Variants in TARM1 observed in about 807,000 individuals in gnomAD.
TARM1 encodes T cell-interacting, activating receptor on myeloid cells 1, also known as T-cell-interacting, activating receptor on myeloid cells protein 1.
TARM1 carries 24 observed loss-of-function variants against 30.4 expected under a neutral mutation model. That is an observed-to-expected ratio of 0.79 (90% CI 0.57 to 1.11). TARM1 has a LOEUF of 1.11. TARM1 is among the 50% of genes least tolerant of loss of function. The pLI, the probability that TARM1 is intolerant of heterozygous loss-of-function variation, is 0.00. For synonymous variants in TARM1, 129 were observed against 138.9 expected, an observed-to-expected ratio of 0.93 and a Z score of 0.50; for missense variants, 323 against 332.8, an observed-to-expected ratio of 0.97 and a Z score of 0.23.
intron 1 of TARM1, among the ~76,000 whole-genome samples, chr19:54,080,886 C>T (rs1047461954): frequency 2.0e-5 from 3 of 151,692 alleles, no homozygotes; most frequent in South Asian, 2.1e-4. Context: ...GCAGGAGAAT[C>T]GCTTGAACCC....
intron 1 of TARM1, chr19:54,076,197 G>C (rs1374364962): frequency 6.6e-7 from 1 of 1,508,220 alleles, no homozygotes; most frequent in South Asian, 1.3e-5. Context: ...TCTTCTGTTT[G>C]AAAACAGCAC....
intron 1 of TARM1, 86 bp downstream of exon 1, chr19:54,081,221 G>A: frequency 7.4e-7 from 1 of 1,344,554 alleles, no homozygotes; most frequent in Non-Finnish European, 1.0e-6. Context: ...AGCCAAAGTT[G>A]ATGTTATTAT....
In TARM1 at chr19:54,077,385, G is replaced by GA. The variant is rs1183822763; in HGVS notation, c.35-1468dup. ...CAGCGCGAGACTCAGTTTCAGGAAA[G>GA]AAAAAAAAAAGAGAAAGAAAAGAAA... On this transcript the variant is annotated intron_variant, in intron 1 of 4. Coordinates refer to ENST00000432826, the MANE Select transcript of TARM1 (RefSeq NM_001135686.3). Among the ~76,000 whole-genome samples the GA allele has an allele frequency of 4.4e-3, 633 of 143,768 alleles. 5 individuals carry two copies. Among genetic ancestry groups the GA allele is most frequent in the African/African-American group, 0.015 (600 of 39,212 alleles). The allele number at this position is 143,768 out of a possible 152,430, so 94.3% of individuals were successfully genotyped here.
Position 54,069,970 on chromosome 19 carries a change from C to T in TARM1, c.*33G>A. 6.6e-7 allele frequency: 1 copy of T among 1,520,734 alleles called. No homozygotes were observed. The highest frequency in any genetic ancestry group is 8.9e-7 in the Non-Finnish European group (1 of 1,121,432). 94.2% of individuals were successfully genotyped at this position (1,520,734 alleles called of 1,614,324 possible). A position where few individuals can be genotyped will look rare whatever the true frequency, so the allele number is the denominator to read the frequency against. ...GGGAATGCAGTCCAGCAGGTTGCAG[C>T]CTCAGTTTACCCAGCCCCGGTTCAA... On this transcript the variant is annotated 3_prime_UTR_variant, in exon 5 of 5. Coordinates refer to ENST00000432826, the MANE Select transcript of TARM1 (RefSeq NM_001135686.3).
chr19:54,070,421 C>T (rs1489822187), intron 4 of TARM1, among the ~76,000 whole-genome samples: 6 of 151,744 alleles, frequency 4.0e-5, no homozygotes, highest in East Asian at 1.9e-4. Context: ...CCACCATGCC[C>T]GGCTAATTTT....
At chr19:54,076,153 C>G in intron 1 of TARM1, 1 of 1,490,346 alleles carries the variant, frequency 6.7e-7, no homozygotes, top group Non-Finnish European at 8.9e-7. Flanking sequence ...CCTCCCCCTG[C>G]TCCAGGCCTT....
intron 2 of TARM1, among the ~76,000 whole-genome samples, chr19:54,075,511 C>A (rs587634469): frequency 1.3e-5 from 2 of 149,250 alleles, no homozygotes; most frequent in South Asian, 2.3e-4. Context: ...AGAAGGGAAG[C>A]GGGCTGGGTG....
intron 1 of TARM1, among the ~76,000 whole-genome samples, chr19:54,078,717 A>G (rs1239906182): frequency 1.3e-5 from 2 of 151,880 alleles, no homozygotes. Context: ...TGCCCAGGCT[A>G]GTCTCGAACT....
chr19:54,080,090 A>G (rs2072063762), intron 1 of TARM1, among the ~76,000 whole-genome samples: 1 of 66,616 alleles, frequency 1.5e-5, no homozygotes, highest in East Asian at 5.4e-4. Context: ...AGAAAGAGAA[A>G]GAAAGGAAGG....
intron 1 of TARM1, among the ~76,000 whole-genome samples, chr19:54,077,670 C>A (rs587644362): frequency 1.3e-5 from 2 of 151,660 alleles, no homozygotes; most frequent in South Asian, 4.2e-4. Flanking sequence ...ACGTAAGTGT[C>A]CATCCATGGA....
In TARM1 at chr19:54,080,151, G is replaced by GAA. The variant is rs1568512246; in HGVS notation, c.34+1155_34+1156insTT. ...AGGAAGGAAGGAAGAAAGCAAGCAA[G>GAA]CAAGCAAGCAAGCAAGCAAGCAAGC... On this transcript the variant is annotated intron_variant, in intron 1 of 4. Transcript: ENST00000432826. Among the ~76,000 whole-genome samples, 2 of 101,650 alleles carry GAA rather than the reference G, an allele frequency of 2.0e-5. 1 individual carries two copies. Among genetic ancestry groups the GAA allele is most frequent in the Non-Finnish European group, 4.3e-5 (2 of 47,048 alleles). The allele number at this position is 101,650 out of a possible 152,430, so 66.7% of individuals were successfully genotyped here.
rs1407125641 is a variant in TARM1 at position 54,069,974 on chromosome 19, A to G, written c.*29T>C. 6 of 1,530,730 alleles carry G rather than the reference A, an allele frequency of 3.9e-6. No homozygotes were observed. Among genetic ancestry groups the G allele is most frequent in the Non-Finnish European group, 5.3e-6 (6 of 1,130,038 alleles). The allele number at this position is 1,530,730 out of a possible 1,614,324, so 94.8% of individuals were successfully genotyped here. ...ATGCAGTCCAGCAGGTTGCAGCCTC[A>G]GTTTACCCAGCCCCGGTTCAAGATG... On this transcript the variant is annotated 3_prime_UTR_variant, in exon 5 of 5. Coordinates refer to ENST00000432826, the MANE Select transcript of TARM1 (RefSeq NM_001135686.3).
chr19:54,070,269 G>GTTT, intron 4 of TARM1, 109 bp from the exon 5 acceptor site: 6 of 1,197,246 alleles, frequency 5.0e-6, no homozygotes, highest in Non-Finnish European at 6.6e-6. Context: ...CGGTTTTTTG[G>GTTT]TTTTTTTTTT....
At chr19:54,076,304 C>CTCTGTCTCTGGA in intron 1 of TARM1, 1 of 1,083,392 alleles carries the variant, frequency 9.2e-7, no homozygotes, top group Non-Finnish European at 1.3e-6. Flanking sequence ...ATTCCAGAGA[C>CTCTGTCTCTGGA]AGAGTCTCGC....
In TARM1 at chr19:54,078,536, G is replaced by A. The variant is rs143051826; in HGVS notation, c.35-2618C>T. The stretch of plus-strand genomic sequence containing the variant: ...TGGGATTACAGGCGCCCGCCACCAC[G>A]CATGGCTAATTTTTATATTTTTAGT... On this transcript the variant is annotated intron_variant, in intron 1 of 4. Transcript: ENST00000432826. Among the ~76,000 whole-genome samples, 933 of 152,072 alleles carry A rather than the reference G, an allele frequency of 6.1e-3. 10 individuals carry two copies. Among genetic ancestry groups the A allele is most frequent in the African/African-American group, 0.018 (726 of 41,476 alleles).
chr19:54,079,116 TAGCC>T (rs2072032519), intron 1 of TARM1, among the ~76,000 whole-genome samples: 1 of 134,050 alleles, frequency 7.5e-6, no homozygotes, highest in Non-Finnish European at 1.6e-5. Context: ...AAAAAAAACT[TAGCC>T]AGGCATGGTG....
In TARM1 at chr19:54,075,183, T is replaced by TTTATGA. The variant is rs113066902; in HGVS notation, c.71-70_71-69insTCATAA. Reference sequence around the variant, plus strand: ...TGCTCTCAGGAAGCCCTTTTTAAAATTTATTATTATTATTATTATTTTGAG... The same window carrying TTTATGA: ...TGCTCTCAGGAAGCCCTTTTTAAAATTTATGATTATTATTATTATTATTATTTTGAG... On this transcript the variant is annotated intron_variant, in intron 2 of 4. Coordinates refer to ENST00000432826, the MANE Select transcript of TARM1 (RefSeq NM_001135686.3). 6 of 997,932 alleles carry TTTATGA rather than the reference T, an allele frequency of 6.0e-6. No homozygotes were observed. The African/African-American group carries it at 9.5e-5, about 16-fold the overall frequency. The allele number at this position is 997,932 out of a possible 1,614,324, so 61.8% of individuals were successfully genotyped here. A position where few individuals can be genotyped will look rare whatever the true frequency, so the allele number is the denominator to read the frequency against.
In TARM1 at chr19:54,069,910, G is replaced by C. The variant is rs2071765270; in HGVS notation, c.*93C>G. ...CTTTGTGACCTGTATGTTGTGACCT[G>C]TCTCATCCTGTGACTTAGAAAGCCT... On this transcript the variant is annotated 3_prime_UTR_variant, in exon 5 of 5. Transcript: ENST00000432826. The C allele has an allele frequency of 1.0e-6, 1 of 986,794 alleles. No homozygotes were observed. The allele number at this position is 986,794 out of a possible 1,614,324, so 61.1% of individuals were successfully genotyped here.
At chr19:54,072,008 T>C (rs1022165825) in intron 4 of TARM1, among the ~76,000 whole-genome samples, 9 of 151,980 alleles carry the variant, frequency 5.9e-5, no homozygotes, top group East Asian at 1.9e-4. Flanking sequence ...CTGGCCAATA[T>C]GGTAAAACCC....
Sources: allele counts gnomAD v4.1 joint callset (sites outside exome capture counted in the v4.1 genomes callset), GRCh38; gene constraint gnomAD v4.1.1; transcripts MANE v1.5; gene names NCBI Gene and HGNC (gene_info 2026-07-23, HGNC 2026-07-21).